NEB: variants seen among roughly 807,000 people sequenced by gnomAD.
The protein encoded by NEB is nebulin.
A neutral mutation model predicts 952.2 loss-of-function variants in NEB; 512 were observed. The observed-to-expected ratio is 0.54, with a 90% confidence interval of 0.50 to 0.58. The LOEUF is 0.58. Among genes scored for constraint, NEB ranks in the 20% least tolerant of loss-of-function variants. NEB has a pLI of 0.00. For synonymous variants in NEB, 2,900 were observed against 3,149.8 expected (o/e 0.92, Z 2.66); for missense variants, 8,428 against 9,231.1 (o/e 0.91, Z 3.56).
chr2:151,674,671 G>A, intron 35 of NEB, 87 bp from the exon 36 acceptor site: 1 of 988,390 alleles, frequency 1.0e-6, no homozygotes, highest in South Asian at 1.4e-5. Context: ...GACAGAAGTT[G>A]AAGGAATCCC....
chr2:151,650,879 A>T lies in NEB; in HGVS notation c.6922T>A (p.Tyr2308Asn), dbSNP rs2099021638. 15 of 1,606,806 alleles carry T rather than the reference A, an allele frequency of 9.3e-6. No individual in the cohort carries two copies. The highest frequency in any genetic ancestry group is 1.3e-5 in the Non-Finnish European group (15 of 1,175,668). ...ASRDIASDYK[Y>N]KQGYRKQLGH... Reference sequence around the variant, plus strand: ...AGTTGCTTTCGGTAGCCTTGTTTGTATTTATACTGAAATCAGAGAAAACAC... The same window carrying T: ...AGTTGCTTTCGGTAGCCTTGTTTGTTTTTATACTGAAATCAGAGAAAACAC... The change falls in exon 53 of 182, where the codon TAC becomes AAC. Residue 2308 changes from tyrosine to asparagine, a missense_variant. Tyr to Asn is a moderately radical substitution (Grantham distance 143, BLOSUM62 -2). This residue lies in a region of NEB where 2,851 missense variants were observed against 2,791.5 expected (regional missense o/e 1.02). Transcript: ENST00000397345.
chr2:151,534,410 A>G (rs968411144), intron 142 of NEB: 2 of 1,065,452 alleles, frequency 1.9e-6, no homozygotes, highest in Admixed American at 1.7e-5. Flanking sequence ...GGGCCAGAAC[A>G]TGTCATCTCT....
rs749270501 is a variant in NEB at position 151,609,861 on chromosome 2, G to C, written c.12278C>G (p.Pro4093Arg). 5.6e-6 allele frequency: 9 copies of C among 1,609,704 alleles called. No homozygotes were observed. Among genetic ancestry groups the C allele is most frequent in the Admixed American group, 5.0e-5 (3 of 59,912 alleles). ...TGCTTGGATAATGTCGTTTTGATCC[G>C]GCATGCATGTCCATTCATGCAGGTA... The part of the protein sequence containing the change: ...RNYLHEWTCM[P>R]DQNDIIQAKK... The change falls in exon 81 of 182, where the codon CCG (proline) becomes CGG (arginine). Residue 4093 changes from proline (P) to arginine (R), a missense_variant. By Grantham distance (103) the Pro-to-Arg change is moderately radical. Around this residue, in one of 11 missense-constraint regions of NEB, gnomAD observed 337 missense variants for 297.5 expected, o/e 1.13. Coordinates refer to ENST00000397345, the MANE Select transcript of NEB (RefSeq NM_001164508.2).
intron 121 of NEB, among the ~76,000 whole-genome samples, chr2:151,561,793 G>A (rs1177837790): frequency 6.6e-6 from 1 of 152,046 alleles, no homozygotes; most frequent in Non-Finnish European, 1.5e-5. Context: ...ATCAAAGGAT[G>A]CTTCTACCTC....
At chr2:151,591,704 C>G (rs1321665028) in intron 95 of NEB, among the ~76,000 whole-genome samples, 2 of 152,226 alleles carry the variant, frequency 1.3e-5, no homozygotes, top group Non-Finnish European at 2.9e-5. Flanking sequence ...ATGTAAAAAT[C>G]AGAAAAAAAC....
At chr2:151,725,403 T>C (rs763983816) in intron 6 of NEB, 50 bp downstream of exon 6, 5 of 1,427,478 alleles carry the variant, frequency 3.5e-6, no homozygotes, top group Admixed American at 3.5e-5. Context: ...TTCCCAGCAG[T>C]AGGTGTATTT....
rs34182658 is a variant in NEB at position 151,628,903 on chromosome 2, A to AAAG, written c.9831+633_9831+635dup. 2.7e-3 allele frequency among the ~76,000 whole-genome samples: 412 copies of AAAG among 150,826 alleles called. 2 individuals are homozygous for AAAG. Among genetic ancestry groups the AAAG allele is most frequent in the South Asian group, 0.024 (114 of 4,746 alleles). On this transcript the variant is annotated intron_variant, in intron 68 of 181. Transcript: ENST00000397345. ...CAAACAAACAAACAAAAACAAAAGA[A>AAAG]AAGAAGAAGAAGAAGAAGAAGAAGA...
At chr2:151,553,680 A>G in intron 126 of NEB, 148 bp downstream of exon 126, 4 of 912,628 alleles carry the variant, frequency 4.4e-6, no homozygotes, top group Non-Finnish European at 6.5e-6. Flanking sequence ...GCTTCCAGAG[A>G]CAGCTCTGAA....
chr2:151,618,354 G>T lies in NEB; in HGVS notation c.10997C>A (p.Pro3666Gln). ...TATACTGGTAAATTTCAGCGTTTCT[G>T]GACGCTGACGGTAGATAGTATCACT... ...LLSDTIYRQRPETLKFTSITD... is the reference protein window; with the variant it reads ...LLSDTIYRQRQETLKFTSITD... Residue 3666 changes from proline to glutamine, a missense_variant, in exon 74 of 182, where the codon CCA (proline) becomes CAA (glutamine). By Grantham distance (76) the Pro-to-Gln change is moderately conservative. Coordinates refer to ENST00000397345, the MANE Select transcript of NEB (RefSeq NM_001164508.2). The T allele has an allele frequency of 6.2e-7, 1 of 1,613,886 alleles. No homozygotes were observed. The highest frequency in any genetic ancestry group is 8.5e-7 in the Non-Finnish European group (1 of 1,179,842).
At chr2:151,703,939 C>T (rs1298247752) in intron 13 of NEB, among the ~76,000 whole-genome samples, 1 of 132,774 alleles carries the variant, frequency 7.5e-6, no homozygotes, top group Non-Finnish European at 1.6e-5. Flanking sequence ...AGGCGCTCTG[C>T]GTTTTAGAGT....
intron 172 of NEB, 59 bp downstream of exon 172, chr2:151,496,882 A>C: frequency 2.7e-6 from 4 of 1,460,010 alleles, no homozygotes; most frequent in Non-Finnish European, 3.7e-6. Context: ...GTATTATTTT[A>C]AATCATGAAA....
In NEB at chr2:151,546,006, A is replaced by G; in HGVS notation, c.20467-8T>C. On this transcript the variant is annotated splice_polypyrimidine_tract_variant and splice_region_variant and intron_variant, in intron 134 of 181. Transcript: ENST00000397345. ...AGTGTATAGGTAATTAGACTTAAAA[A>G]AAAAAAAAAAAACAGAAATACAAGT... is the stretch of plus-strand genomic sequence containing the variant. 7.0e-7 allele frequency: 1 copy of G among 1,431,598 alleles called. No homozygotes were observed. The allele number at this position is 1,431,598 out of a possible 1,614,324, so 88.7% of individuals were successfully genotyped here.
At chr2:151,661,638 A>C (rs2099151158) in intron 46 of NEB, among the ~76,000 whole-genome samples, 1 of 152,218 alleles carries the variant, frequency 6.6e-6, no homozygotes, top group Non-Finnish European at 1.5e-5. Context: ...AGCTGGAATA[A>C]TTCATGAACC....
intron 60 of NEB, 62 bp downstream of exon 60, chr2:151,642,512 C>T: frequency 7.2e-7 from 1 of 1,397,368 alleles, no homozygotes; most frequent in Non-Finnish European, 9.9e-7. Flanking sequence ...ACTATAAATC[C>T]AGGAGAGAGA....
Position 151,546,363 on chromosome 2 carries a change from C to CCGGGAG in NEB, c.20442_20447dup (p.Ser6815_Arg6816dup), listed in dbSNP as rs760783104. 1.2e-6 allele frequency: 2 copies of CCGGGAG among 1,612,394 alleles called. No individual in the cohort carries two copies. The highest frequency in any genetic ancestry group is 2.7e-5 in the African/African-American group (2 of 74,826). On this transcript the variant is annotated inframe_insertion, in exon 134 of 182. Coordinates refer to ENST00000397345, the MANE Select transcript of NEB (RefSeq NM_001164508.2). ...CACTCACCCAGAGCTTCCGCAGGTG[C>CCGGGAG]CGGGAGCGGACCATGTCAGGAGTGT...
chr2:151,517,571 C>T (rs1200473082), intron 156 of NEB, among the ~76,000 whole-genome samples: 2 of 152,140 alleles, frequency 1.3e-5, no homozygotes, highest in African/African-American at 2.4e-5. Context: ...TATGCAATTT[C>T]ATCATTGTGT....
intron 54 of NEB, 100 bp from the exon 55 acceptor site, chr2:151,646,334 A>T (rs1323229358): frequency 8.0e-6 from 7 of 877,762 alleles, no homozygotes; most frequent in Non-Finnish European, 1.3e-5. Flanking sequence ...ATTAAACATT[A>T]TACAGAATTG....
In NEB at chr2:151,501,452, G is replaced by A. The variant is rs1427881592; in HGVS notation, c.23960C>T (p.Thr7987Ile). The A allele has an allele frequency of 6.5e-7, 1 of 1,538,006 alleles. No homozygotes were observed. Among genetic ancestry groups the A allele is most frequent in the East Asian group, 2.5e-5 (1 of 40,794 alleles). ...ILYKENLSKG[T>I]PLPVTPEMER... ...CATCTCAGGAGTGACAGGTAGGGGAGTCCCCTTGCTCAAGTTCTCTTTGTA... is the reference window on the plus strand; with the variant it reads ...CATCTCAGGAGTGACAGGTAGGGGAATCCCCTTGCTCAAGTTCTCTTTGTA... Residue 7987 changes from threonine to isoleucine, a missense_variant, in exon 168 of 182, where the codon ACT (threonine) becomes ATT (isoleucine). This residue lies in a region of NEB where 3,374 missense variants were observed against 3,651.5 expected (regional missense o/e 0.92). Transcript: ENST00000397345.
chr2:151,568,452 T>C, intron 111 of NEB, 35 bp from the exon 112 acceptor site: 10 of 1,568,764 alleles, frequency 6.4e-6, no homozygotes, highest in Non-Finnish European at 8.8e-6. Flanking sequence ...AGGGGGCAAG[T>C]TACTTGTTAA....
Sources: allele counts gnomAD v4.1 joint callset (sites outside exome capture counted in the v4.1 genomes callset), GRCh38; gene constraint gnomAD v4.1.1; regional missense constraint gnomAD v4.1.1; transcripts MANE v1.5; gene names NCBI Gene and HGNC (gene_info 2026-07-23, HGNC 2026-07-21).